SS18: variants seen among roughly 807,000 people sequenced by gnomAD.
SS18 encodes the protein SS18 subunit of BAF chromatin remodeling complex.
A neutral mutation model predicts 72.5 loss-of-function variants in SS18; 28 were observed. The observed-to-expected ratio is 0.39, with a 90% CI of 0.29 to 0.53. The LOEUF (loss-of-function observed/expected upper bound fraction) is 0.53, where lower values mean the gene tolerates loss of function less well. Among genes scored for constraint, SS18 ranks in the 20% least tolerant of loss-of-function variants. The pLI, the probability that SS18 is intolerant of heterozygous loss-of-function variation, is 0.76. For synonymous variants in SS18, 172 were observed against 164.2 expected, an observed-to-expected ratio of 1.05 and a Z score of -0.37; for missense variants, 518 against 535.3, an observed-to-expected ratio of 0.97 and a Z score of 0.32.
Position 26,057,692 on chromosome 18 carries a change from G to T in SS18, c.282C>A (p.Gly94=). Residue 94 remains glycine (G), a synonymous_variant, in exon 4 of 11, where the codon GGC becomes GGA. Coordinates refer to ENST00000415083, the MANE Select transcript of SS18 (RefSeq NM_001007559.3). ...TGTGAGAGCGTGGAGGTGGGGGAGG[G>T]CCGCTCTGATTCATCCCTCCAGGAC... ...PMGPGGMNQS[G]PPPPPRSHNM... is the part of the protein sequence containing the mutation. The T allele has an allele frequency of 6.2e-7, 1 of 1,614,092 alleles. No individual in the cohort carries two copies. The highest frequency in any genetic ancestry group is 8.5e-7 in the Non-Finnish European group (1 of 1,180,014).
intron 4 of SS18, among the ~76,000 whole-genome samples, chr18:26,053,664 G>C (rs2053962785): frequency 2.0e-5 from 3 of 150,502 alleles, no homozygotes; most frequent in African/African-American, 7.5e-5. Flanking sequence ...ATGAGGGAAT[G>C]ACTAGTTCAC....
At chr18:26,049,524 G>GT (rs1237982499) in intron 5 of SS18, among the ~76,000 whole-genome samples, 10 of 151,950 alleles carry the variant, frequency 6.6e-5, no homozygotes, top group Non-Finnish European at 1.0e-4. Context: ...TACTCTTTTT[G>GT]TTTTTTTAGA....
chr18:26,032,611 A>C (rs2053563174), intron 9 of SS18, 79 bp from the exon 10 acceptor site: 2 of 1,461,306 alleles, frequency 1.4e-6, no homozygotes, highest in Non-Finnish European at 1.8e-6. Flanking sequence ...AACTACAGAG[A>C]TGTTACTGTA....
chr18:26,030,243 T>C (rs919080493), intron 10 of SS18, among the ~76,000 whole-genome samples: 1 of 152,172 alleles, frequency 6.6e-6, no homozygotes, highest in African/African-American at 2.4e-5. Context: ...ATGCTTCTGC[T>C]TTACTGAACT....
At chr18:26,074,473 T>C (rs980342470) in intron 3 of SS18, among the ~76,000 whole-genome samples, 14 of 152,086 alleles carry the variant, frequency 9.2e-5, no homozygotes, top group Non-Finnish European at 1.8e-4. Flanking sequence ...ATAGACTGAA[T>C]GCAGAAGTAG....
intron 10 of SS18, among the ~76,000 whole-genome samples, chr18:26,021,461 G>T (rs998154163): frequency 6.6e-6 from 1 of 152,134 alleles, no homozygotes; most frequent in African/African-American, 2.4e-5. Flanking sequence ...CACCACTCCT[G>T]AATTCTGTCA....
intron 9 of SS18, among the ~76,000 whole-genome samples, chr18:26,033,081 G>C (rs1434186777): frequency 6.6e-6 from 1 of 152,124 alleles, no homozygotes; most frequent in East Asian, 1.9e-4. Context: ...AAACCCACAG[G>C]TTACATGTGA....
intron 5 of SS18, among the ~76,000 whole-genome samples, chr18:26,047,537 T>A (rs1163870885): frequency 6.6e-6 from 1 of 152,136 alleles, no homozygotes; most frequent in Non-Finnish European, 1.5e-5. Context: ...AAACAAACTA[T>A]TTTAAAAAGT....
chr18:26,037,069 A>G (rs1406336007), intron 7 of SS18, among the ~76,000 whole-genome samples: 1 of 152,120 alleles, frequency 6.6e-6, no homozygotes, highest in East Asian at 1.9e-4. Context: ...GAGAGAAAAG[A>G]GCCAATGTTG....
chr18:26,074,184 C>T (rs2054366792), intron 3 of SS18, among the ~76,000 whole-genome samples: 1 of 151,884 alleles, frequency 6.6e-6, no homozygotes, highest in Admixed American at 6.6e-5. Context: ...ATCACCAAAG[C>T]ATGATGTTAT....
At chr18:26,033,877 C>A (rs2143846780) in intron 9 of SS18, among the ~76,000 whole-genome samples, 1 of 152,142 alleles carries the variant, frequency 6.6e-6, no homozygotes, top group Middle Eastern at 3.4e-3. Flanking sequence ...ATGAATTTAC[C>A]TGATTTAGCT....
chr18:26,057,809 G>GC, intron 3 of SS18, 67 bp from the exon 4 acceptor site: 1 of 1,431,380 alleles, frequency 7.0e-7, no homozygotes, highest in Non-Finnish European at 9.3e-7. Context: ...TAGGGTAAAA[G>GC]AGTTGCTTAT....
At chr18:26,087,068 AAAAAATACTTGCCTAT>A (rs2054627791) in intron 2 of SS18, among the ~76,000 whole-genome samples, 1 of 152,228 alleles carries the variant, frequency 6.6e-6, no homozygotes, top group South Asian at 2.1e-4. Context: ...GCATAACGGA[AAAAAATACTTGCCTAT>A]AAAAAGGAAT....
chr18:26,040,610 C>T (rs867330838), intron 5 of SS18, among the ~76,000 whole-genome samples: 1 of 152,188 alleles, frequency 6.6e-6, no homozygotes, highest in Non-Finnish European at 1.5e-5. Context: ...AAGCCCACCT[C>T]TTCAAATATA....
At chr18:26,038,402 C>T (rs188186635) in intron 7 of SS18, among the ~76,000 whole-genome samples, 153 bp downstream of exon 7, 1 of 152,230 alleles carries the variant, frequency 6.6e-6, no homozygotes, top group Non-Finnish European at 1.5e-5. Context: ...TAAACTAATG[C>T]TATCATTGGT....
At chr18:26,058,307 A>G (rs948927613) in intron 3 of SS18, among the ~76,000 whole-genome samples, 10 of 152,368 alleles carry the variant, frequency 6.6e-5, no homozygotes, top group African/African-American at 2.2e-4. Context: ...AGCTGCCTCA[A>G]AAGGATGCCC....
chr18:26,041,956 A>G (rs1215675857), intron 5 of SS18, among the ~76,000 whole-genome samples: 1 of 152,098 alleles, frequency 6.6e-6, no homozygotes, highest in Non-Finnish European at 1.5e-5. Flanking sequence ...AACATCATTC[A>G]TGATCAAGCC....
At chr18:26,079,573 T>C (rs1016047876) in intron 2 of SS18, among the ~76,000 whole-genome samples, 1 of 152,178 alleles carries the variant, frequency 6.6e-6, no homozygotes, top group Non-Finnish European at 1.5e-5. Flanking sequence ...TTTCTTTTGT[T>C]CGTTTTTGGT....
intron 5 of SS18, among the ~76,000 whole-genome samples, chr18:26,041,341 T>G (rs2053719452): frequency 6.6e-6 from 1 of 152,116 alleles, no homozygotes; most frequent in Non-Finnish European, 1.5e-5. Flanking sequence ...GGAGAATCAC[T>G]TGAACCCGGG....
Sources: allele counts gnomAD v4.1 joint callset (sites outside exome capture counted in the v4.1 genomes callset), GRCh38; gene constraint gnomAD v4.1.1; transcripts MANE v1.5; gene names NCBI Gene and HGNC (gene_info 2026-07-23, HGNC 2026-07-21).